Variants in TMEM67 observed in about 807,000 individuals in gnomAD.
TMEM67 encodes transmembrane protein 67.
Under a neutral mutation model 136.6 loss-of-function variants are expected in TMEM67, and 124 were observed. The ratio of observed to expected loss-of-function variants is 0.91; its 90% confidence interval spans 0.78 to 1.05. The LOEUF is 1.05. Ranked by LOEUF, TMEM67 falls within the 50% of genes least tolerant of loss-of-function variation. TMEM67 has a pLI of 0.00. For missense variants in TMEM67, 1,107 were observed against 1,178.4 expected (o/e 0.94, Z 0.89); for synonymous variants, 364 against 390.5 (o/e 0.93, Z 0.80).
At chr8:93,828,566 C>T in the TMEM67 span, among the ~76,000 whole-genome samples, 2 of 151,944 alleles carry the variant, frequency 1.3e-5, no homozygotes, top group South Asian at 4.2e-4. Context: ...ATGGCAAAAC[C>T]CCATCGCTAA....
chr8:93,810,036 T>A, intron 26 of TMEM67, 149 bp downstream of exon 26: 1 of 508,794 alleles, frequency 2.0e-6, no homozygotes, highest in Admixed American at 3.7e-5. Flanking sequence ...TGGCACGATC[T>A]CAGCTTACTG....
chr8:93,769,344 C>G (rs942540194), intron 6 of TMEM67, among the ~76,000 whole-genome samples: 2 of 152,230 alleles, frequency 1.3e-5, no homozygotes, highest in African/African-American at 4.8e-5. Context: ...GATTCCATAT[C>G]CCTGCATCCC....
rs751629466 is a variant in TMEM67, at chr8:93,765,432, T to G, written c.533T>G (p.Val178Gly). 1 of 1,611,994 alleles carries G rather than the reference T, an allele frequency of 6.2e-7. No homozygotes were observed. Among genetic ancestry groups the G allele is most frequent in the Non-Finnish European group, 8.5e-7 (1 of 1,179,814 alleles). ...DRCVRCEPTF[V>G]NTSRSCACSE... ...TGCGTCCGATGTGAGCCAACATTTGTTAATACCAGCAGGTCCTGTGCATGT... is the reference window on the plus strand; with the variant it reads ...TGCGTCCGATGTGAGCCAACATTTGGTAATACCAGCAGGTCCTGTGCATGT... The change falls in exon 5 of 28, where the codon GTT (valine) becomes GGT (glycine). Residue 178 changes from valine to glycine, a missense_variant. Physicochemically the swap from Val to Gly is moderately radical, Grantham distance 109. Transcript: ENST00000453321.
intron 18 of TMEM67, among the ~76,000 whole-genome samples, chr8:93,796,226 G>A (rs1319819814): frequency 6.6e-6 from 1 of 152,106 alleles, no homozygotes; most frequent in East Asian, 1.9e-4. Flanking sequence ...TTGATAAAAT[G>A]ATATTTCAGT....
chr8:93,765,629 G>T lies in TMEM67; in HGVS notation c.634G>T (p.Ala212Ser), dbSNP rs1378771273. 6.2e-7 allele frequency: 1 copy of T among 1,611,636 alleles called. No homozygotes were observed. Among genetic ancestry groups the T allele is most frequent in the East Asian group, 2.2e-5 (1 of 44,844 alleles). ...GNFPLRRISA[A>S]RYGEVGMSLT... ...TTTTCCTCTACGTAGAATTTCAGCTGCACGTTATGGAGAAGTTGTGAGTAT... is the reference window on the plus strand; with the variant it reads ...TTTTCCTCTACGTAGAATTTCAGCTTCACGTTATGGAGAAGTTGTGAGTAT... Residue 212 changes from alanine (A) to serine (S), a missense_variant, in exon 6 of 28, where the codon GCA (alanine) becomes TCA (serine). This residue lies in a region of TMEM67 where 925 missense variants were observed against 1,002.4 expected (regional missense o/e 0.92). Transcript: ENST00000453321.
intron 1 of TMEM67, among the ~76,000 whole-genome samples, chr8:93,755,562 T>C (rs1176406510): frequency 6.6e-6 from 1 of 152,120 alleles, no homozygotes; most frequent in Non-Finnish European, 1.5e-5. Flanking sequence ...TAGTAACTTG[T>C]TCAAGGTCAT....
chr8:93,782,469 G>T lies in TMEM67; in HGVS notation c.1131+9G>T. 6.3e-7 allele frequency: 1 copy of T among 1,598,846 alleles called. No individual in the cohort carries two copies. The highest frequency in any genetic ancestry group is 1.1e-5 in the South Asian group (1 of 90,654). ...CAACCTACCAACAAAATGTAAGTTT[G>T]AACGATATTAGTCTATATTTTAGCT... On this transcript the variant is annotated intron_variant, in intron 11 of 27. Coordinates refer to ENST00000453321, the MANE Select transcript of TMEM67 (RefSeq NM_153704.6).
At chr8:93,773,137 T>C (rs1813396499) in intron 7 of TMEM67, among the ~76,000 whole-genome samples, 1 of 152,038 alleles carries the variant, frequency 6.6e-6, no homozygotes, top group Non-Finnish European at 1.5e-5. Flanking sequence ...AGCAAAGAAC[T>C]GAAAAAAGTG....
At chr8:93,776,843 G>A (rs1320782909) in intron 7 of TMEM67, among the ~76,000 whole-genome samples, 2 of 152,276 alleles carry the variant, frequency 1.3e-5, no homozygotes, top group Non-Finnish European at 1.5e-5. Flanking sequence ...CCAGGCTTTG[G>A]TATCAGGATG....
intron 16 of TMEM67, among the ~76,000 whole-genome samples, chr8:93,793,730 G>A (rs1048804405): frequency 2.0e-5 from 3 of 151,950 alleles, no homozygotes; most frequent in Admixed American, 6.6e-5. Flanking sequence ...TTGTTTATTT[G>A]AAGAATTTTT....
chr8:93,801,642 T>C (rs1814877249), intron 21 of TMEM67, among the ~76,000 whole-genome samples: 1 of 152,126 alleles, frequency 6.6e-6, no homozygotes, highest in South Asian at 2.1e-4. Flanking sequence ...GCTCAAGCTA[T>C]CCTGCCATCT....
At position 93,755,101 on chromosome 8, in the gene TMEM67, G is replaced by A; in HGVS notation, c.187G>A (p.Val63Ile). 1.2e-6 allele frequency: 2 copies of A among 1,614,196 alleles called. No individual in the cohort carries two copies. The highest frequency in any genetic ancestry group is 4.5e-5 in the East Asian group (2 of 44,882). The change falls in exon 1 of 28, where the codon GTT becomes ATT. Residue 63 changes from valine to isoleucine, a missense_variant. Physicochemically the swap from Val to Ile is conservative, Grantham distance 29 (BLOSUM62 3). This residue lies in a region of TMEM67 where 178 missense variants were observed against 159.2 expected (regional missense o/e 1.12). Transcript: ENST00000453321. ...CTTTGATATCTCCGCCCTCTCGTGT[G>A]TTCCTTGTGGAGCTAACCAGAGGCA... is the stretch of plus-strand genomic sequence containing the variant. The part of the protein sequence containing the change: ...QYFDISALSC[V>I]PCGANQRQDA...
intron 23 of TMEM67, among the ~76,000 whole-genome samples, chr8:93,806,084 A>ATT (rs1253475906): frequency 3.9e-5 from 6 of 152,334 alleles, no homozygotes; most frequent in African/African-American, 1.4e-4. Context: ...ATAGGAAGTA[A>ATT]TTAGCCAGGT....
chr8:93,779,469 C>G (rs1179418821), intron 7 of TMEM67, among the ~76,000 whole-genome samples: 1 of 152,148 alleles, frequency 6.6e-6, no homozygotes, highest in Non-Finnish European at 1.5e-5. Flanking sequence ...CTTTTCTGCT[C>G]TGGTTTCTCC....
At chr8:93,776,442 GA>G (rs887376962) in intron 7 of TMEM67, among the ~76,000 whole-genome samples, 3 of 152,172 alleles carry the variant, frequency 2.0e-5, no homozygotes, top group Non-Finnish European at 4.4e-5. Flanking sequence ...TTTTCAAAGG[GA>G]ATGCTTCCAG....
At chr8:93,780,512 C>T in intron 7 of TMEM67, 81 bp from the exon 8 acceptor site, 1 of 1,566,438 alleles carries the variant, frequency 6.4e-7, no homozygotes, top group Non-Finnish European at 8.8e-7. Flanking sequence ...AACAGACCTG[C>T]ACAAAGTAAA....
the TMEM67 span, among the ~76,000 whole-genome samples, chr8:93,828,995 C>T: frequency 6.6e-6 from 1 of 151,860 alleles, no homozygotes; most frequent in African/African-American, 2.4e-5. Flanking sequence ...TACATTTATG[C>T]CTATTTTATA....
chr8:93,803,546 G>T lies in TMEM67; in HGVS notation c.2242-58G>T. The T allele has an allele frequency of 6.0e-6, 7 of 1,171,910 alleles. No homozygotes were observed. In the South Asian group the frequency reaches 8.6e-5, roughly 14 times the overall value. The allele number at this position is 1,171,910 out of a possible 1,614,324, so 72.6% of individuals were successfully genotyped here. A position where few individuals can be genotyped will look rare whatever the true frequency, so the allele number is the denominator to read the frequency against. On this transcript the variant is annotated intron_variant, in intron 21 of 27. Coordinates refer to ENST00000453321, the MANE Select transcript of TMEM67 (RefSeq NM_153704.6). ...TTTCTTAAGATGCTACACTGTGGCT[G>T]TAAAAGAAAATTAAAATCCTAAAAG...
intron 1 of TMEM67, among the ~76,000 whole-genome samples, 164 bp from the exon 2 acceptor site, chr8:93,755,614 A>G (rs1345159661): frequency 6.6e-6 from 1 of 152,154 alleles, no homozygotes; most frequent in Non-Finnish European, 1.5e-5. Flanking sequence ...CAAGAAGTGT[A>G]TTTCTGGATT....
Sources: gnomAD v4.1 joint callset for allele counts (sites outside exome capture counted in the v4.1 genomes callset) on GRCh38, gnomAD v4.1.1 for gene constraint, gnomAD v4.1.1 regional missense constraint, MANE v1.5 for transcripts, NCBI Gene and HGNC (gene_info 2026-07-23, HGNC 2026-07-21) for gene names.